Variants in ZNF85 observed in about 807,000 individuals in gnomAD.
ZNF85 encodes zinc finger protein 85 (HPF4, HTF1).
ZNF85 carries 50 observed loss-of-function variants against 53.9 expected under a neutral mutation model. That is an observed-to-expected ratio of 0.93 (90% confidence interval 0.74 to 1.17). The LOEUF is 1.17. Ranked by LOEUF, ZNF85 falls within the 50% of genes most tolerant of loss-of-function variation. ZNF85 has a pLI of 0.00. For missense variants in ZNF85, 747 were observed against 688.5 expected (o/e 1.08, Z -0.95); for synonymous variants, 225 against 226.1 (o/e 1.00, Z 0.04).
chr19:20,935,732 C>G (rs896950704), intron 3 of ZNF85, among the ~76,000 whole-genome samples: 2 of 151,508 alleles, frequency 1.3e-5, no homozygotes, highest in Non-Finnish European at 2.9e-5. Flanking sequence ...ACCGCAACCT[C>G]TGCCTCAGGG....
rs1020142455 is a variant in ZNF85 at position 20,950,390 on chromosome 19, T to C, written c.*88T>C. ...AGAGAAACTACTAACCTGAAAGATG[T>C]GACAATAATTTTGACAACACCTCAG... On this transcript the variant is annotated 3_prime_UTR_variant, in exon 4 of 4. Transcript: ENST00000328178. 3 of 949,956 alleles carry C rather than the reference T, an allele frequency of 3.2e-6. No homozygotes were observed. The highest frequency in any genetic ancestry group is 4.5e-6 in the Non-Finnish European group (3 of 662,556). 58.8% of individuals were successfully genotyped at this position (949,956 alleles called of 1,614,324 possible).
intron 1 of ZNF85, among the ~76,000 whole-genome samples, chr19:20,930,432 G>A (rs1438420799): frequency 1.3e-5 from 2 of 151,178 alleles, no homozygotes; most frequent in South Asian, 4.2e-4. Context: ...CCTCTCATCT[G>A]TCTATATTTA....
rs530234420 is a variant in ZNF85, at chr19:20,932,494, T to A, written c.4-1530T>A. ...TTATAATCTGCACTATTAAAAATGT[T>A]CCCTTTGTGGCTCTTGAACATGAAA... On this transcript the variant is annotated intron_variant, in intron 1 of 3. Transcript: ENST00000328178. Among the ~76,000 whole-genome samples, 59 of 152,314 alleles carry A rather than the reference T, an allele frequency of 3.9e-4. No individual in the cohort carries two copies. In the South Asian group the frequency reaches 0.012, roughly 31 times the overall value.
Position 20,934,120 on chromosome 19 carries a change from T to G in ZNF85, c.100T>G (p.Leu34Val), listed in dbSNP as rs1973099664. The G allele has an allele frequency of 1.2e-6, 2 of 1,612,436 alleles. No homozygotes were observed. The highest frequency in any genetic ancestry group is 2.7e-5 in the African/African-American group (2 of 74,878). The change falls in exon 2 of 4, where the codon TTA (leucine) becomes GTA (valine). Residue 34 changes from leucine (L) to valine (V), a missense_variant. Coordinates refer to ENST00000328178, the MANE Select transcript of ZNF85 (RefSeq NM_003429.5). ...GCGGAATTTATATAGAAATGTGATG[T>G]TAGAGAACTACAGAAACCTGGTCTT... ...AQRNLYRNVM[L>V]ENYRNLVFLG...
At chr19:20,938,876 G>A (rs551626188) in intron 3 of ZNF85, among the ~76,000 whole-genome samples, 2,803 of 140,548 alleles carry the variant, frequency 0.02, 79 homozygotes, top group African/African-American at 0.072. Context: ...GTGTGTGTGT[G>A]TATATATATG....
intron 1 of ZNF85, among the ~76,000 whole-genome samples, chr19:20,925,137 G>C (rs1972849738): frequency 6.6e-6 from 1 of 152,104 alleles, no homozygotes. Context: ...CTCTTCCTTT[G>C]AAAAGCTAAC....
At chr19:20,938,365 C>T (rs1973208391) in intron 3 of ZNF85, among the ~76,000 whole-genome samples, 1 of 152,156 alleles carries the variant, frequency 6.6e-6, no homozygotes, top group African/African-American at 2.4e-5. Context: ...TGCATTTGTC[C>T]TAGGATGCTC....
chr19:20,927,541 A>G (rs1361606409), intron 1 of ZNF85: 1 of 152,120 alleles, frequency 6.6e-6, no homozygotes, highest in African/African-American at 2.4e-5. Flanking sequence ...TACAGTATGT[A>G]TCTGGCTATG....
In ZNF85 at chr19:20,948,754, T is replaced by C. The variant is rs61736288; in HGVS notation, c.240T>C (p.Ser80=). 7.6e-4 allele frequency: 1,177 copies of C among 1,554,102 alleles called. 5 individuals are homozygous for C. The African/African-American group carries it at 0.014, about 19-fold the overall frequency. The change falls in exon 4 of 4, where the codon TCT becomes TCC. Residue 80 remains serine, a synonymous_variant. Coordinates refer to ENST00000328178, the MANE Select transcript of ZNF85 (RefSeq NM_003429.5). ...TTTTGTTTCTTTCAGTTATGTGTTC[T>C]CATTTTGCCCAAGACCTTTGGCCGG... ...IMVAKPTVMC[S]HFAQDLWPEQ...
intron 1 of ZNF85, chr19:20,927,881 AG>A (rs1426246000): frequency 1.3e-5 from 2 of 151,596 alleles, no homozygotes; most frequent in East Asian, 1.9e-4. Context: ...ACTCCATCTG[AG>A]GGGGAAAAAA....
Position 20,949,392 on chromosome 19 carries a change from A to C in ZNF85, c.878A>C (p.Lys293Thr). 6.2e-7 allele frequency: 1 copy of C among 1,609,550 alleles called. No individual in the cohort carries two copies. Among genetic ancestry groups the C allele is most frequent in the Non-Finnish European group, 8.5e-7 (1 of 1,176,960 alleles). ...CCCTACAAATGTAAAGAATGTGGTA[A>C]AGCTTTTAACCGATCTTCAACCCTT... ...EKPYKCKECG[K>T]AFNRSSTLTT... The change falls in exon 4 of 4, where the codon AAA becomes ACA. Residue 293 changes from lysine to threonine, a missense_variant. Lys to Thr is a moderately conservative substitution (Grantham distance 78). Transcript: ENST00000328178.
In ZNF85 at chr19:20,950,177, A is replaced by C. The variant is rs1568558661; in HGVS notation, c.1663A>C (p.Lys555Gln). ...KAFNQSSNLTKHKRIHTGEKP... is the reference protein window; with the variant it reads ...KAFNQSSNLTQHKRIHTGEKP... The stretch of plus-strand genomic sequence containing the variant: ...CTTTAACCAGTCCTCAAACCTTACT[A>C]AACATAAGAGAATTCATACTGGAGA... The change falls in exon 4 of 4, where the codon AAA becomes CAA. Residue 555 changes from lysine (K) to glutamine (Q), a missense_variant. By Grantham distance (53) the Lys-to-Gln change is moderately conservative. Transcript: ENST00000328178. The C allele has an allele frequency of 6.2e-7, 1 of 1,613,294 alleles. No individual in the cohort carries two copies. Among genetic ancestry groups the C allele is most frequent in the African/African-American group, 1.3e-5 (1 of 75,020 alleles).
chr19:20,933,413 CTCTTA>C (rs905697974), intron 1 of ZNF85, among the ~76,000 whole-genome samples: 2 of 151,108 alleles, frequency 1.3e-5, no homozygotes, highest in African/African-American at 4.9e-5. Context: ...AAAGTCAAAG[CTCTTA>C]TCTTTGTTTA....
At chr19:20,929,469 C>T (rs1392719173) in intron 1 of ZNF85, among the ~76,000 whole-genome samples, 1 of 152,116 alleles carries the variant, frequency 6.6e-6, no homozygotes, top group Non-Finnish European at 1.5e-5. Flanking sequence ...CAGGCATGAG[C>T]CACTGCACCC....
At chr19:20,937,279 C>A (rs1411873625) in intron 3 of ZNF85, 4 of 454,404 alleles carry the variant, frequency 8.8e-6, no homozygotes, top group Non-Finnish European at 1.8e-5. Context: ...ATCCACCCAC[C>A]TCAGCCTCCC....
At chr19:20,933,744 A>T (rs947004580) in intron 1 of ZNF85, among the ~76,000 whole-genome samples, 1 of 152,166 alleles carries the variant, frequency 6.6e-6, no homozygotes, top group Non-Finnish European at 1.5e-5. Flanking sequence ...ATACTATATC[A>T]TCCAGAAAAG....
At chr19:20,943,510 C>T (rs996731811) in intron 3 of ZNF85, 1 of 152,152 alleles carries the variant, frequency 6.6e-6, no homozygotes, top group African/African-American at 2.4e-5. Context: ...AGGCAGATGC[C>T]GGCACACACT....
intron 3 of ZNF85, among the ~76,000 whole-genome samples, chr19:20,935,488 C>T (rs953806157): frequency 5.9e-5 from 9 of 152,066 alleles, no homozygotes; most frequent in Non-Finnish European, 8.8e-5. Flanking sequence ...TCTGCACATT[C>T]CATCCTGTTT....
At chr19:20,948,298 A>T (rs572000152) in intron 3 of ZNF85, among the ~76,000 whole-genome samples, 2 of 152,096 alleles carry the variant, frequency 1.3e-5, no homozygotes, top group Non-Finnish European at 2.9e-5. Flanking sequence ...TGCCATTCCA[A>T]TGTATACCAT....
Sources: allele counts gnomAD v4.1 joint callset (sites outside exome capture counted in the v4.1 genomes callset), GRCh38; gene constraint gnomAD v4.1.1; transcripts MANE v1.5; gene names NCBI Gene and HGNC (gene_info 2026-07-23, HGNC 2026-07-21).